The following DNALI1 variants were observed in gnomAD, a reference collection of about 807,000 sequenced individuals.
DNALI1 encodes dynein axonemal light intermediate chain 1, also known as axonemal dynein light intermediate polypeptide 1.
A neutral mutation model predicts 33.9 loss-of-function variants in DNALI1; 31 were observed. The observed-to-expected ratio is 0.91, with a 90% CI of 0.69 to 1.23. The LOEUF (loss-of-function observed/expected upper bound fraction) is 1.23. Among genes scored for constraint, DNALI1 ranks in the 50% most tolerant of loss-of-function variants. DNALI1 has a pLI of 0.00. For synonymous variants in DNALI1, 117 were observed against 129.2 expected, an observed-to-expected ratio of 0.91 and a Z score of 0.64; for missense variants, 305 against 323.8, an observed-to-expected ratio of 0.94 and a Z score of 0.44.
intron 5 of DNALI1, among the ~76,000 whole-genome samples, chr1:37,563,512 C>T (rs1214258759): frequency 6.6e-6 from 1 of 152,014 alleles, no homozygotes; most frequent in Non-Finnish European, 1.5e-5. Context: ...TCTTTTGAGA[C>T]GGAGTTTTGC....
At position 37,559,256 on chromosome 1, in the gene DNALI1, G is replaced by A. The variant is rs1242068200; in HGVS notation, c.228-71G>A. On this transcript the variant is annotated intron_variant, in intron 2 of 5. Coordinates refer to ENST00000652629, the MANE Select transcript of DNALI1 (RefSeq NM_003462.5). This position sits in a 1 kb window ranked among gnomAD's most constrained non-coding sequence, Gnocchi z 5.3. Reference sequence around the variant, plus strand: ...CCACTACTCAGGCAGAGGGCTCAAAGGGCCCTCTGCTCATGTGCTAGGGAC... The same window carrying A: ...CCACTACTCAGGCAGAGGGCTCAAAAGGCCCTCTGCTCATGTGCTAGGGAC... 1.4e-6 allele frequency: 2 copies of A among 1,459,158 alleles called. No individual in the cohort carries two copies. The highest frequency in any genetic ancestry group is 1.8e-6 in the Non-Finnish European group (2 of 1,095,424). The allele number at this position is 1,459,158 out of a possible 1,614,324, so 90.4% of individuals were successfully genotyped here.
chr1:37,563,006 C>T (rs1031680648), intron 5 of DNALI1, among the ~76,000 whole-genome samples: 15 of 152,232 alleles, frequency 9.9e-5, no homozygotes, highest in Non-Finnish European at 1.9e-4. Context: ...CAGCAATGTG[C>T]TTTAACAAGG....
chr1:37,558,450 T>C (rs144061625), intron 2 of DNALI1, among the ~76,000 whole-genome samples: 274 of 152,330 alleles, frequency 1.8e-3, no homozygotes, highest in African/African-American at 6.2e-3. Context: ...CCAGAAACTC[T>C]TTTGTGGCTT....
Position 37,566,786 on chromosome 1 carries a change from A to G in DNALI1, c.*1725A>G. On this transcript the variant is annotated 3_prime_UTR_variant, in exon 6 of 6. Transcript: ENST00000652629. The stretch of plus-strand genomic sequence containing the variant: ...ATGCATTAGGGCCTTAGAAATGTCA[A>G]TGGGGCAGGAAGAAAACACAATTTC... 4 of 1,428,226 alleles carry G rather than the reference A, an allele frequency of 2.8e-6. 1 individual carries two copies. In the South Asian group the frequency reaches 3.5e-5, roughly 13 times the overall value. 88.5% of individuals were successfully genotyped at this position (1,428,226 alleles called of 1,614,324 possible). A position where few individuals can be genotyped will look rare whatever the true frequency, so the allele number is the denominator to read the frequency against.
chr1:37,559,279 G>T lies in DNALI1; in HGVS notation c.228-48G>T. 1 of 1,532,610 alleles carries T rather than the reference G, an allele frequency of 6.5e-7. No homozygotes were observed. Among genetic ancestry groups the T allele is most frequent in the South Asian group, 1.3e-5 (1 of 78,954 alleles). The allele number at this position is 1,532,610 out of a possible 1,614,324, so 94.9% of individuals were successfully genotyped here. A position where few individuals can be genotyped will look rare whatever the true frequency, so the allele number is the denominator to read the frequency against. On this transcript the variant is annotated intron_variant, in intron 2 of 5. Transcript: ENST00000652629. This position sits in a 1 kb window ranked among gnomAD's most constrained non-coding sequence, Gnocchi z 5.3. Reference sequence around the variant, plus strand: ...AAGGGCCCTCTGCTCATGTGCTAGGGACCTTCAAGTCAACGGGTTTTGCTC... The same window carrying T: ...AAGGGCCCTCTGCTCATGTGCTAGGTACCTTCAAGTCAACGGGTTTTGCTC...
rs41267313 is a variant in DNALI1 at position 37,562,195 on chromosome 1, A to C, written c.691A>C (p.Lys231Gln). Residue 231 changes from lysine to glutamine, a missense_variant, in exon 5 of 6, where the codon AAG becomes CAG. By Grantham distance (53) the Lys-to-Gln change is moderately conservative. Transcript: ENST00000652629. This position sits in a 1 kb window ranked among gnomAD's most constrained non-coding sequence, Gnocchi z 5.8. ...CGAGAGGCGGCAGGTGGAGGAGAAG[A>C]AGCACAATGAGGAGATTCAGTTCCT... is the stretch of plus-strand genomic sequence containing the variant. ...ESERRQVEEK[K>Q]HNEEIQFLKR... is the part of the protein sequence containing the mutation. 15,234 of 1,613,906 alleles carry C rather than the reference A, an allele frequency of 9.4e-3. 89 individuals carry two copies. Among genetic ancestry groups the C allele is most frequent in the Non-Finnish European group, 0.01 (12,165 of 1,179,922 alleles).
chr1:37,563,959 T>G (rs1643469341), intron 5 of DNALI1, among the ~76,000 whole-genome samples: 1 of 151,844 alleles, frequency 6.6e-6, no homozygotes, highest in Non-Finnish European at 1.5e-5. Flanking sequence ...CTCGGCTGGG[T>G]GTGGTAGCTC....
chr1:37,561,562 T>G lies in DNALI1; in HGVS notation c.403T>G (p.Leu135Val). ...TGGTGTGTGTGCATTGGAAGATGAGTTGATCCGGGAGGTCACCATCAACTG... is the reference window on the plus strand; with the variant it reads ...TGGTGTGTGTGCATTGGAAGATGAGGTGATCCGGGAGGTCACCATCAACTG... ...RELYSQCFDELIREVTINCAE... is the reference protein window; with the variant it reads ...RELYSQCFDEVIREVTINCAE... The change falls in exon 4 of 6, where the codon TTG becomes GTG. Residue 135 changes from leucine (L) to valine (V), a missense_variant. By Grantham distance (32) the Leu-to-Val change is conservative. Coordinates refer to ENST00000652629, the MANE Select transcript of DNALI1 (RefSeq NM_003462.5). The surrounding 1 kb of genome is among the most constrained non-coding windows in gnomAD (Gnocchi z 4.6). 6.2e-7 allele frequency: 1 copy of G among 1,613,480 alleles called. No homozygotes were observed. The highest frequency in any genetic ancestry group is 2.2e-5 in the East Asian group (1 of 44,872).
Position 37,559,860 on chromosome 1 carries a change from A to G in DNALI1, c.397+364A>G, listed in dbSNP as rs1159546910. Among the ~76,000 whole-genome samples, 4 of 152,148 alleles carry G rather than the reference A, an allele frequency of 2.6e-5. No homozygotes were observed. The highest frequency in any genetic ancestry group is 1.3e-4 in the Admixed American group (2 of 15,280). ...GTTTCCTCAGTATTTATTGATTACT[A>G]TTTTCACTATCTCAGCAAGAGGAAT... On this transcript the variant is annotated intron_variant, in intron 3 of 5. Coordinates refer to ENST00000652629, the MANE Select transcript of DNALI1 (RefSeq NM_003462.5). This position sits in a 1 kb window ranked among gnomAD's most constrained non-coding sequence, Gnocchi z 5.3.
rs903317008 is a variant in DNALI1, at chr1:37,566,424, T to C, written c.*1363T>C. ...AGACTCAATGAGGCAGAAATTATTG[T>C]AGTTTTCTCCTATTTCTTCTGCACC... On this transcript the variant is annotated 3_prime_UTR_variant, in exon 6 of 6. Coordinates refer to ENST00000652629, the MANE Select transcript of DNALI1 (RefSeq NM_003462.5). 1 of 157,026 alleles carries C rather than the reference T, an allele frequency of 6.4e-6. No individual in the cohort carries two copies. The highest frequency in any genetic ancestry group is 6.4e-5 in the Admixed American group (1 of 15,724). 9.7% of individuals were successfully genotyped at this position (157,026 alleles called of 1,614,324 possible). A position where few individuals can be genotyped will look rare whatever the true frequency, so the allele number is the denominator to read the frequency against.
At chr1:37,557,780 G>T (rs745532362) in intron 2 of DNALI1, 32 bp downstream of exon 2, 2 of 1,612,026 alleles carry the variant, frequency 1.2e-6, no homozygotes, top group Middle Eastern at 1.7e-4. Flanking sequence ...CTGGGAGAAG[G>T]CCTAAGCTTT....
At chr1:37,564,534 C>T (rs1643477808) in intron 5 of DNALI1, among the ~76,000 whole-genome samples, 1 of 152,092 alleles carries the variant, frequency 6.6e-6, no homozygotes. Flanking sequence ...AGACGCCTGC[C>T]ACCACGCCCA....
chr1:37,561,306 C>G lies in DNALI1; in HGVS notation c.398-251C>G. 1 of 476,570 alleles carries G rather than the reference C, an allele frequency of 2.1e-6. No homozygotes were observed. Among genetic ancestry groups the G allele is most frequent in the South Asian group, 3.7e-5 (1 of 27,222 alleles). The allele number at this position is 476,570 out of a possible 1,614,324, so 29.5% of individuals were successfully genotyped here. On this transcript the variant is annotated intron_variant, in intron 3 of 5. Coordinates refer to ENST00000652629, the MANE Select transcript of DNALI1 (RefSeq NM_003462.5). The surrounding 1 kb of genome is among the most constrained non-coding windows in gnomAD (Gnocchi z 4.6). The stretch of plus-strand genomic sequence containing the variant: ...TAAACAAACCAGAGCCTCTTGTCTC[C>G]TTTGCTCTGGCCAACCCAGTCTTGC...
Position 37,562,209 on chromosome 1 carries a change from G to T in DNALI1, c.705G>T (p.Glu235Asp). ...RQVEEKKHNEEIQFLKRTNQQ... is the reference protein window; with the variant it reads ...RQVEEKKHNEDIQFLKRTNQQ... Reference sequence around the variant, plus strand: ...TGGAGGAGAAGAAGCACAATGAGGAGATTCAGTTCCTGAAGCGAACAAATC... The same window carrying T: ...TGGAGGAGAAGAAGCACAATGAGGATATTCAGTTCCTGAAGCGAACAAATC... The change falls in exon 5 of 6, where the codon GAG (glutamate) becomes GAT (aspartate). Residue 235 changes from glutamate to aspartate, a missense_variant. Physicochemically the swap from Glu to Asp is conservative, Grantham distance 45. Coordinates refer to ENST00000652629, the MANE Select transcript of DNALI1 (RefSeq NM_003462.5). This position sits in a 1 kb window ranked among gnomAD's most constrained non-coding sequence, Gnocchi z 5.8. 1.9e-6 allele frequency: 3 copies of T among 1,613,820 alleles called. No individual in the cohort carries two copies. Among genetic ancestry groups the T allele is most frequent in the African/African-American group, 2.7e-5 (2 of 75,036 alleles).
chr1:37,558,927 A>C (rs1643404192), intron 2 of DNALI1, among the ~76,000 whole-genome samples: 1 of 152,184 alleles, frequency 6.6e-6, no homozygotes, highest in East Asian at 1.9e-4. Flanking sequence ...CCCGATACAC[A>C]CATCTGCCTC....
At position 37,557,634 on chromosome 1, in the gene DNALI1, C is replaced by T; in HGVS notation, c.113C>T (p.Pro38Leu). The T allele has an allele frequency of 6.2e-7, 1 of 1,614,026 alleles. No individual in the cohort carries two copies. The highest frequency in any genetic ancestry group is 8.5e-7 in the Non-Finnish European group (1 of 1,179,932). The part of the protein sequence containing the change: ...ARLLKVSPQQ[P>L]GPSGSAPQPP... ...CTACTGAAAGTCAGCCCCCAGCAGC[C>T]TGGACCTTCAGGTTCAGCCCCACAG... Residue 38 changes from proline (P) to leucine (L), a missense_variant, in exon 2 of 6, where the codon CCT becomes CTT. Physicochemically the swap from Pro to Leu is moderately conservative, Grantham distance 98 (BLOSUM62 -3). Transcript: ENST00000652629.
rs758846821 is a variant in DNALI1 at position 37,561,573 on chromosome 1, G to A, written c.414G>A (p.Glu138=). ...CATTGGAAGATGAGTTGATCCGGGAGGTCACCATCAACTGTGCGGAGAGGG... is the reference window on the plus strand; with the variant it reads ...CATTGGAAGATGAGTTGATCCGGGAAGTCACCATCAACTGTGCGGAGAGGG... ...YSQCFDELIR[E]VTINCAERGL... is the part of the protein sequence containing the mutation. The change falls in exon 4 of 6, where the codon GAG becomes GAA. Residue 138 remains glutamate, a synonymous_variant. Transcript: ENST00000652629. The surrounding 1 kb of genome is among the most constrained non-coding windows in gnomAD (Gnocchi z 4.6). 4 of 1,613,852 alleles carry A rather than the reference G, an allele frequency of 2.5e-6. No individual in the cohort carries two copies. In the South Asian group the frequency reaches 3.3e-5, roughly 13 times the overall value.
In DNALI1 at chr1:37,565,210, G is replaced by A. The variant is rs1228411257; in HGVS notation, c.*149G>A. 1.3e-6 allele frequency: 1 copy of A among 794,100 alleles called. No individual in the cohort carries two copies. Among genetic ancestry groups the A allele is most frequent in the African/African-American group, 1.7e-5 (1 of 58,376 alleles). 49.2% of individuals were successfully genotyped at this position (794,100 alleles called of 1,614,324 possible). A position where few individuals can be genotyped will look rare whatever the true frequency, so the allele number is the denominator to read the frequency against. ...ATAACCTCCCCTAAACACCACCTAG[G>A]TATTTGTTAGAAGTCACACTATTAC... On this transcript the variant is annotated 3_prime_UTR_variant, in exon 6 of 6. Transcript: ENST00000652629.
chr1:37,564,946 C>T, intron 5 of DNALI1, 80 bp from the exon 6 acceptor site: 1 of 1,454,868 alleles, frequency 6.9e-7, no homozygotes, highest in African/African-American at 1.4e-5. Flanking sequence ...ATTCTTCTTC[C>T]CAGAGATTTG....
Sources: allele counts gnomAD v4.1 joint callset (sites outside exome capture counted in the v4.1 genomes callset), GRCh38; gene constraint gnomAD v4.1.1; non-coding constraint Gnocchi (gnomAD v3.1); transcripts MANE v1.5; gene names NCBI Gene and HGNC (gene_info 2026-07-23, HGNC 2026-07-21).